RABGEF1: variants seen among roughly 807,000 people sequenced by gnomAD.
RABGEF1 encodes rab5 GDP/GTP exchange factor.
A neutral mutation model predicts 57.3 loss-of-function variants in RABGEF1; 26 were observed. The observed-to-expected ratio is 0.45, with a 90% CI of 0.33 to 0.63. The LOEUF (loss-of-function observed/expected upper bound fraction) is 0.63, where lower values mean the gene tolerates loss of function less well. RABGEF1 is among the 20% of genes least tolerant of loss of function. The pLI, the probability that RABGEF1 is intolerant of heterozygous loss-of-function variation, is 0.02. For missense variants in RABGEF1, 464 were observed against 607.6 expected (o/e 0.76, Z 2.48); for synonymous variants, 185 against 210.7 (o/e 0.88, Z 1.06).
chr7:66,776,503 G>GGCAACAT (rs1322912524), intron 3 of RABGEF1, among the ~76,000 whole-genome samples: 1 of 152,090 alleles, frequency 6.6e-6, no homozygotes, highest in African/African-American at 2.4e-5. Context: ...GACCAGTCTG[G>GGCAACAT]GCAACATGGT....
At chr7:66,746,544 C>T (rs1163075013) in intron 1 of RABGEF1, among the ~76,000 whole-genome samples, 1 of 151,734 alleles carries the variant, frequency 6.6e-6, no homozygotes, top group Non-Finnish European at 1.5e-5. Flanking sequence ...CCGCCTCGGC[C>T]TCCCAAAGTG....
At chr7:66,734,393 CCT>C (rs1178294970) in intron 2 of RABGEF1, among the ~76,000 whole-genome samples, 2 of 152,160 alleles carry the variant, frequency 1.3e-5, no homozygotes, top group South Asian at 2.1e-4. Flanking sequence ...CCTCTTTGAG[CCT>C]CTGTTTCCTC....
chr7:66,684,990 C>T lies in RABGEF1; in HGVS notation c.-873+2732C>T, dbSNP rs1272895857. On this transcript the variant is annotated intron_variant and NMD_transcript_variant, in intron 1 of 9. Transcript: ENST00000607882. The stretch of plus-strand genomic sequence containing the variant: ...ATGTTTCCCAGGGTGGTCTCCAACC[C>T]CTGGCCTCAAGTGATTCTCTAGCCT... 1.1e-4 allele frequency among the ~76,000 whole-genome samples: 17 copies of T among 152,070 alleles called. No homozygotes were observed. In the South Asian group the frequency reaches 3.3e-3, roughly 30 times the overall value.
chr7:66,657,243 C>T, the RABGEF1 span, among the ~76,000 whole-genome samples: 1 of 152,152 alleles, frequency 6.6e-6, no homozygotes, highest in Non-Finnish European at 1.5e-5. Context: ...GTGTATTAGG[C>T]TGCAAAACAA....
chr7:66,693,792 A>C (rs1694964679), intron 1 of RABGEF1, among the ~76,000 whole-genome samples: 2 of 151,580 alleles, frequency 1.3e-5, no homozygotes, highest in South Asian at 4.2e-4. Flanking sequence ...TTTGTTCAGT[A>C]AACTCTTTCC....
At chr7:66,656,968 T>G in the RABGEF1 span, among the ~76,000 whole-genome samples, 1 of 152,018 alleles carries the variant, frequency 6.6e-6, no homozygotes, top group Non-Finnish European at 1.5e-5. Flanking sequence ...TATAATAATT[T>G]AAAACATATG....
intron 4 of RABGEF1, among the ~76,000 whole-genome samples, chr7:66,784,654 G>C (rs943055120): frequency 1.3e-5 from 2 of 152,106 alleles, no homozygotes; most frequent in African/African-American, 4.8e-5. Flanking sequence ...TTCTAGCTGG[G>C]GTCAGCAATC....
At chr7:66,700,798 C>G (rs952975304) in intron 1 of RABGEF1, among the ~76,000 whole-genome samples, 2 of 152,186 alleles carry the variant, frequency 1.3e-5, no homozygotes, top group Admixed American at 6.5e-5. Context: ...CAGAATGGCC[C>G]GAGGCCTGGA....
intron 1 of RABGEF1, among the ~76,000 whole-genome samples, chr7:66,759,738 G>T (rs1803773433): frequency 6.6e-6 from 1 of 152,156 alleles, no homozygotes; most frequent in African/African-American, 2.4e-5. Context: ...CACAAGCACA[G>T]AACCACAGGG....
chr7:66,713,073 C>G (rs1794954283), intron 2 of RABGEF1, among the ~76,000 whole-genome samples: 1 of 151,998 alleles, frequency 6.6e-6, no homozygotes, highest in Non-Finnish European at 1.5e-5. Context: ...CCTCAGCTTC[C>G]CAAAGTGCTG....
upstream of RABGEF1, among the ~76,000 whole-genome samples, chr7:66,681,182 C>T (rs1789695625): frequency 6.6e-6 from 1 of 152,200 alleles, no homozygotes; most frequent in Admixed American, 6.5e-5. Context: ...ATCTAAGAGC[C>T]ACAGCATTGT....
At chr7:66,750,963 T>A (rs12532147) in intron 1 of RABGEF1, among the ~76,000 whole-genome samples, 5,576 of 152,358 alleles carry the variant, frequency 0.037, 162 homozygotes, top group East Asian at 0.086. Flanking sequence ...AGATCTAGAA[T>A]TTCAGTTTGA....
Position 66,810,146 on chromosome 7 carries a change from T to C in RABGEF1, c.*862T>C, listed in dbSNP as rs1789253262. Reference sequence around the variant, plus strand: ...AAGGCGGGAATGAATGGGCCTCTGATGGTGAGAGGTGACGGGGTCCCTCAG... The same window carrying C: ...AAGGCGGGAATGAATGGGCCTCTGACGGTGAGAGGTGACGGGGTCCCTCAG... On this transcript the variant is annotated 3_prime_UTR_variant, in exon 9 of 9. Transcript: ENST00000284957. 6.6e-6 allele frequency: 1 copy of C among 152,170 alleles called. No individual in the cohort carries two copies. The highest frequency in any genetic ancestry group is 1.5e-5 in the Non-Finnish European group (1 of 68,030). 9.4% of individuals were successfully genotyped at this position (152,170 alleles called of 1,614,324 possible).
intron 1 of RABGEF1, among the ~76,000 whole-genome samples, chr7:66,688,191 T>C (rs139537496): frequency 2.6e-5 from 4 of 152,156 alleles, no homozygotes; most frequent in African/African-American, 9.6e-5. Context: ...AAGGGAATTC[T>C]ATACTGATGA....
In RABGEF1 at chr7:66,713,544, G is replaced by C. The variant is rs1795021964; in HGVS notation, c.-815+1320G>C. Among the ~76,000 whole-genome samples, 4 of 152,046 alleles carry C rather than the reference G, an allele frequency of 2.6e-5. No individual in the cohort carries two copies. The South Asian group carries it at 8.3e-4, about 32-fold the overall frequency. ...TTTCTTGCCTTATTGCCCTACTTTG[G>C]TCTTCCAGTACAATGTTGAACAGGA... On this transcript the variant is annotated intron_variant and NMD_transcript_variant, in intron 2 of 9. Transcript: ENST00000607882.
chr7:66,790,177 T>C (rs1431543739), intron 4 of RABGEF1, among the ~76,000 whole-genome samples: 1 of 152,194 alleles, frequency 6.6e-6, no homozygotes, highest in Non-Finnish European at 1.5e-5. Flanking sequence ...GGCAACACAG[T>C]GTGTTCCAGA....
At chr7:66,731,708 G>C (rs1242511479) in intron 2 of RABGEF1, among the ~76,000 whole-genome samples, 1 of 152,152 alleles carries the variant, frequency 6.6e-6, no homozygotes, top group Non-Finnish European at 1.5e-5. Flanking sequence ...CAGAGAGCGA[G>C]ACCTTGTCTA....
intron 4 of RABGEF1, among the ~76,000 whole-genome samples, chr7:66,795,217 T>G (rs1237738282): frequency 6.6e-6 from 1 of 152,160 alleles, no homozygotes; most frequent in East Asian, 1.9e-4. Context: ...CCTTTTCACC[T>G]AATAAAACCC....
At chr7:66,779,042 G>T in intron 3 of RABGEF1, among the ~76,000 whole-genome samples, 1 of 152,124 alleles carries the variant, frequency 6.6e-6, no homozygotes, top group East Asian at 1.9e-4. Flanking sequence ...TTGAACCCGG[G>T]GAGTGGAGGT....
Sources: gnomAD v4.1 joint callset for allele counts (sites outside exome capture counted in the v4.1 genomes callset) on GRCh38, gnomAD v4.1.1 for gene constraint, MANE v1.5 for transcripts, NCBI Gene and HGNC (gene_info 2026-07-23, HGNC 2026-07-21) for gene names.